CTNNA2: variants seen among roughly 807,000 people sequenced by gnomAD.
CTNNA2 encodes catenin alpha 2, also known as catenin alpha-2.
Under a neutral mutation model 101.0 loss-of-function variants are expected in CTNNA2, and 42 were observed. The ratio of observed to expected loss-of-function variants is 0.42; its 90% CI spans 0.32 to 0.54. CTNNA2 has a LOEUF of 0.54. Ranked by LOEUF, CTNNA2 falls within the 20% of genes least tolerant of loss-of-function variation. The pLI, the probability that CTNNA2 is intolerant of heterozygous loss-of-function variation, is 0.14. For synonymous variants in CTNNA2, 450 were observed against 456.4 expected, an observed-to-expected ratio of 0.99 and a Z score of 0.18; for missense variants, 871 against 1,223.1, an observed-to-expected ratio of 0.71 and a Z score of 4.29.
At chr2:79,756,861 A>G (rs1201640504) in intron 3 of CTNNA2, among the ~76,000 whole-genome samples, 2 of 152,224 alleles carry the variant, frequency 1.3e-5, no homozygotes, top group Non-Finnish European at 2.9e-5. Context: ...AAATTAAACA[A>G]CAATGAGATT....
At chr2:79,739,448 C>T (rs190517960) in intron 2 of CTNNA2, among the ~76,000 whole-genome samples, 3 of 152,278 alleles carry the variant, frequency 2.0e-5, no homozygotes, top group Admixed American at 1.3e-4. Flanking sequence ...GTTCTAGTAA[C>T]ATATTCTCAA....
At chr2:79,243,385 A>G (rs564664389) in intron 2 of CTNNA2, among the ~76,000 whole-genome samples, 28 of 152,324 alleles carry the variant, frequency 1.8e-4, no homozygotes, top group African/African-American at 5.8e-4. Context: ...AGTAGTTACT[A>G]TAGATTTGTT....
intron 2 of CTNNA2, among the ~76,000 whole-genome samples, chr2:79,287,769 G>A (rs547778433): frequency 6.6e-6 from 1 of 152,324 alleles, no homozygotes; most frequent in African/African-American, 2.4e-5. Context: ...GCTGTGGTGG[G>A]CTCCACCCAG....
intron 6 of CTNNA2, among the ~76,000 whole-genome samples, chr2:79,901,556 T>G (rs1424535802): frequency 1.3e-5 from 2 of 152,216 alleles, no homozygotes; most frequent in African/African-American, 4.8e-5. Flanking sequence ...AGCCACACTT[T>G]ATATTATCAA....
At chr2:80,252,452 G>GC (rs1375406904) in intron 7 of CTNNA2, among the ~76,000 whole-genome samples, 29 of 152,148 alleles carry the variant, frequency 1.9e-4, no homozygotes, top group Non-Finnish European at 3.7e-4. Context: ...GAAATTCAAA[G>GC]TTCTTGGCTC....
chr2:80,593,777 A>G (rs58573125), intron 15 of CTNNA2, among the ~76,000 whole-genome samples: 2,519 of 152,284 alleles, frequency 0.017, 81 homozygotes, highest in African/African-American at 0.058. Context: ...TTCAAAGTTC[A>G]TGCATATATT....
At chr2:80,379,522 G>A (rs1346450620) in intron 7 of CTNNA2, among the ~76,000 whole-genome samples, 1 of 152,108 alleles carries the variant, frequency 6.6e-6, no homozygotes, top group Non-Finnish European at 1.5e-5. Flanking sequence ...AATTCACTGG[G>A]AATTAAGCAG....
At chr2:79,825,304 G>T (rs1198715483) in intron 3 of CTNNA2, among the ~76,000 whole-genome samples, 4 of 152,194 alleles carry the variant, frequency 2.6e-5, no homozygotes, top group East Asian at 1.9e-4. Context: ...TGATGATGCT[G>T]TCGATTTTCA....
intron 7 of CTNNA2, among the ~76,000 whole-genome samples, chr2:80,078,503 G>A (rs1425387165): frequency 6.6e-6 from 1 of 152,204 alleles, no homozygotes; most frequent in Non-Finnish European, 1.5e-5. Context: ...CATTTCAAGA[G>A]GATGGTATGT....
chr2:79,978,627 A>T (rs1303715647), intron 7 of CTNNA2, among the ~76,000 whole-genome samples: 5 of 152,056 alleles, frequency 3.3e-5, no homozygotes, highest in African/African-American at 9.7e-5. Context: ...TAGGGGAGAA[A>T]AGAGTTTGAT....
chr2:79,939,371 T>C (rs1274411449), intron 7 of CTNNA2, among the ~76,000 whole-genome samples: 2 of 152,206 alleles, frequency 1.3e-5, no homozygotes, highest in African/African-American at 4.8e-5. Flanking sequence ...ATTTACCTGT[T>C]TACATTGGAA....
At chr2:80,599,524 T>C (rs1697276421) in intron 15 of CTNNA2, among the ~76,000 whole-genome samples, 1 of 152,260 alleles carries the variant, frequency 6.6e-6, no homozygotes. Context: ...GTAACTTTGG[T>C]CCCCTACCTC....
intron 7 of CTNNA2, among the ~76,000 whole-genome samples, chr2:79,918,101 A>C (rs1012156008): frequency 6.6e-6 from 1 of 152,054 alleles, no homozygotes; most frequent in Non-Finnish European, 1.5e-5. Context: ...GTGAAAAAAC[A>C]GTATTGAACA....
chr2:80,303,559 C>A lies in CTNNA2; in HGVS notation c.1057-89652C>A, dbSNP rs1187505244. 2 of 1,614,222 alleles carry A rather than the reference C, an allele frequency of 1.2e-6. No individual in the cohort carries two copies. The highest frequency in any genetic ancestry group is 2.7e-5 in the African/African-American group (2 of 75,064). On this transcript the variant is annotated intron_variant, in intron 7 of 18. Coordinates refer to ENST00000402739, the MANE Select transcript of CTNNA2 (RefSeq NM_001282597.3). This position sits in a 1 kb window ranked among gnomAD's most constrained non-coding sequence, Gnocchi z 7.7. Reference sequence around the variant, plus strand: ...GATAGAGCCACGTGAGCTGCATTAACCCCGTGAACTGGCCGGCGCGCAGCT... The same window carrying A: ...GATAGAGCCACGTGAGCTGCATTAAACCCGTGAACTGGCCGGCGCGCAGCT...
At position 80,223,552 on chromosome 2, in the gene CTNNA2, G is replaced by A. The variant is rs192794985; in HGVS notation, c.1057-169659G>A. Among the ~76,000 whole-genome samples the A allele has an allele frequency of 5.0e-3, 756 of 152,310 alleles. 8 individuals carry two copies. The highest frequency in any genetic ancestry group is 7.5e-3 in the Non-Finnish European group (507 of 68,022). ...GCCTCCCAAAGTGCTGGGATTACAG[G>A]CGTGAGCCACTGCGCCTGGCCCTAT... On this transcript the variant is annotated intron_variant, in intron 7 of 18. Coordinates refer to ENST00000402739, the MANE Select transcript of CTNNA2 (RefSeq NM_001282597.3).
In CTNNA2 at chr2:80,161,748, A is replaced by G. The variant is rs535747272; in HGVS notation, c.1057-231463A>G. ...CACTGACATTTTTATTCTTCCTGAA[A>G]AGGGGATTTATGCTAACACTGTATT... is the stretch of plus-strand genomic sequence containing the variant. On this transcript the variant is annotated intron_variant, in intron 7 of 18. Coordinates refer to ENST00000402739, the MANE Select transcript of CTNNA2 (RefSeq NM_001282597.3). 2.0e-5 allele frequency among the ~76,000 whole-genome samples: 3 copies of G among 152,342 alleles called. No homozygotes were observed. In the South Asian group the frequency reaches 6.2e-4, roughly 32 times the overall value.
At chr2:79,413,977 T>C (rs1156602559) in intron 4 of CTNNA2, among the ~76,000 whole-genome samples, 2 of 148,292 alleles carry the variant, frequency 1.3e-5, no homozygotes, top group Non-Finnish European at 3.0e-5. Context: ...ATATATAAGC[T>C]TTTTAGTTTG....
intron 4 of CTNNA2, among the ~76,000 whole-genome samples, chr2:79,390,818 A>G (rs1181560473): frequency 6.6e-6 from 1 of 152,318 alleles, no homozygotes; most frequent in East Asian, 1.9e-4. Flanking sequence ...TGTCTCAAGG[A>G]GTGAAACCAT....
intron 8 of CTNNA2, among the ~76,000 whole-genome samples, chr2:80,401,089 G>T (rs765544815): frequency 3.3e-5 from 5 of 152,174 alleles, no homozygotes; most frequent in Non-Finnish European, 7.3e-5. Flanking sequence ...GATTTATCCA[G>T]TAGACTCCCA....
Sources: allele counts gnomAD v4.1 joint callset (sites outside exome capture counted in the v4.1 genomes callset), GRCh38; gene constraint gnomAD v4.1.1; non-coding constraint Gnocchi (gnomAD v3.1); transcripts MANE v1.5; gene names NCBI Gene and HGNC (gene_info 2026-07-23, HGNC 2026-07-21).